Variants in ACSS3 observed in about 807,000 individuals in gnomAD.
ACSS3 encodes acyl-CoA synthetase short chain family member 3.
A neutral mutation model predicts 84.2 loss-of-function variants in ACSS3; 64 were observed. That is an observed-to-expected ratio of 0.76 (90% CI 0.62 to 0.94). The LOEUF (loss-of-function observed/expected upper bound fraction) is 0.94, where lower values mean the gene tolerates loss of function less well. Ranked by LOEUF, ACSS3 falls within the 40% of genes least tolerant of loss-of-function variation. The pLI, the probability that ACSS3 is intolerant of heterozygous loss-of-function variation, is 0.00. For synonymous variants in ACSS3, 317 were observed against 310.1 expected (o/e 1.02, Z -0.23); for missense variants, 815 against 867.6 (o/e 0.94, Z 0.76).
chr12:81,257,796 G>A lies in ACSS3; in HGVS notation c.*2874G>A, dbSNP rs1191203606. 1.3e-5 allele frequency: 2 copies of A among 152,042 alleles called. No individual in the cohort carries two copies. The highest frequency in any genetic ancestry group is 4.8e-5 in the African/African-American group (2 of 41,436). 9.4% of individuals were successfully genotyped at this position (152,042 alleles called of 1,614,324 possible). A position where few individuals can be genotyped will look rare whatever the true frequency, so the allele number is the denominator to read the frequency against. ...TCCATTAAATGGATTTTAGAATCTA[G>A]TAGAAGTTATCTTTCTTATAAATTA... is the stretch of plus-strand genomic sequence containing the variant. On this transcript the variant is annotated 3_prime_UTR_variant, in exon 16 of 16. Coordinates refer to ENST00000548058, the MANE Select transcript of ACSS3 (RefSeq NM_024560.4).
chr12:81,246,620 G>A (rs1000255703), intron 13 of ACSS3, among the ~76,000 whole-genome samples: 3 of 152,092 alleles, frequency 2.0e-5, no homozygotes, highest in Non-Finnish European at 4.4e-5. Flanking sequence ...GTTTTTCATT[G>A]TTATTGTGGA....
chr12:81,096,784 TG>T (rs765452224), intron 1 of ACSS3, among the ~76,000 whole-genome samples: 1 of 152,216 alleles, frequency 6.6e-6, no homozygotes, highest in Non-Finnish European at 1.5e-5. Context: ...TCCATGTCCC[TG>T]CAAAGGACAT....
Position 81,216,881 on chromosome 12 carries a change from A to G in ACSS3, c.1355-20A>G, listed in dbSNP as rs756467159. On this transcript the variant is annotated intron_variant, in intron 9 of 15. Transcript: ENST00000548058. ...TTCCAAGTTAAAACATGAAGTGATA[A>G]ATAACATTTCTTTTTCCAGAGACTG... 6.3e-7 allele frequency: 1 copy of G among 1,588,372 alleles called. No individual in the cohort carries two copies. Among genetic ancestry groups the G allele is most frequent in the South Asian group, 1.1e-5 (1 of 90,574 alleles).
In ACSS3 at chr12:81,254,967, T is replaced by TAA; in HGVS notation, c.*45_*46insAA. ...TTTTGAGTTGATTTAATTTCTTAAT[T>TAA]GAAATTAAATTATTTGAGTTGTTTC... On this transcript the variant is annotated 3_prime_UTR_variant, in exon 16 of 16. Coordinates refer to ENST00000548058, the MANE Select transcript of ACSS3 (RefSeq NM_024560.4). 5.0e-6 allele frequency: 7 copies of TAA among 1,388,198 alleles called. No homozygotes were observed. Among genetic ancestry groups the TAA allele is most frequent in the Non-Finnish European group, 6.9e-6 (7 of 1,013,656 alleles). The allele number at this position is 1,388,198 out of a possible 1,614,324, so 86.0% of individuals were successfully genotyped here.
chr12:81,089,972 A>G (rs1881568554), intron 1 of ACSS3, among the ~76,000 whole-genome samples: 1 of 152,024 alleles, frequency 6.6e-6, no homozygotes, highest in Non-Finnish European at 1.5e-5. Flanking sequence ...GCCTAATTTC[A>G]GTTATAAGTT....
chr12:81,243,471 G>T (rs1434345765), intron 13 of ACSS3, among the ~76,000 whole-genome samples: 1 of 152,124 alleles, frequency 6.6e-6, no homozygotes, highest in African/African-American at 2.4e-5. Context: ...TCCCCATCAA[G>T]CTACCAATGA....
At chr12:81,116,328 A>G (rs1884042659) in intron 2 of ACSS3, among the ~76,000 whole-genome samples, 1 of 152,076 alleles carries the variant, frequency 6.6e-6, no homozygotes, top group South Asian at 2.1e-4. Flanking sequence ...TAAATGATGA[A>G]ACAACAGTTT....
chr12:81,116,635 A>G (rs1017404635), intron 2 of ACSS3, among the ~76,000 whole-genome samples: 2 of 152,078 alleles, frequency 1.3e-5, no homozygotes, highest in African/African-American at 4.8e-5. Flanking sequence ...GGGTACCTAC[A>G]TGATCTTCCT....
intron 2 of ACSS3, among the ~76,000 whole-genome samples, chr12:81,113,996 T>A (rs187768399): frequency 6.6e-6 from 1 of 152,224 alleles, no homozygotes; most frequent in East Asian, 1.9e-4. Context: ...ATAGTACTAG[T>A]CATTTTAAAG....
Position 81,254,949 on chromosome 12 carries a change from T to C in ACSS3, c.*27T>C, listed in dbSNP as rs748945790. The C allele has an allele frequency of 1.1e-5, 17 of 1,502,412 alleles. No homozygotes were observed. Among genetic ancestry groups the C allele is most frequent in the African/African-American group, 1.4e-5 (1 of 70,600 alleles). 93.1% of individuals were successfully genotyped at this position (1,502,412 alleles called of 1,614,324 possible). A position where few individuals can be genotyped will look rare whatever the true frequency, so the allele number is the denominator to read the frequency against. On this transcript the variant is annotated 3_prime_UTR_variant, in exon 16 of 16. Coordinates refer to ENST00000548058, the MANE Select transcript of ACSS3 (RefSeq NM_024560.4). ...GAGTTTGTCTTATTCCTATTTTGAG[T>C]TGATTTAATTTCTTAATTGAAATTA...
intron 1 of ACSS3, among the ~76,000 whole-genome samples, chr12:81,085,355 G>A (rs1304762259): frequency 6.6e-6 from 1 of 152,192 alleles, no homozygotes; most frequent in East Asian, 1.9e-4. Context: ...CTGACAGGGA[G>A]GATAAGGAAG....
Position 81,220,040 on chromosome 12 carries a change from A to G in ACSS3, c.1478A>G (p.Lys493Arg). The G allele has an allele frequency of 6.5e-7, 1 of 1,543,096 alleles. No individual in the cohort carries two copies. The highest frequency in any genetic ancestry group is 8.7e-7 in the Non-Finnish European group (1 of 1,144,552). The part of the protein sequence containing the change: ...NVMILDDNMQ[K>R]LKARCLGNIV... ...ATGATTTTGGATGACAACATGCAAA[A>G]ACTGAAGGCTCGGTGTTTAGGAAAT... Residue 493 changes from lysine to arginine, a missense_variant, in exon 11 of 16, where the codon AAA (lysine) becomes AGA (arginine). Coordinates refer to ENST00000548058, the MANE Select transcript of ACSS3 (RefSeq NM_024560.4).
intron 8 of ACSS3, among the ~76,000 whole-genome samples, chr12:81,193,394 A>C (rs1431852537): frequency 6.6e-6 from 1 of 151,930 alleles, no homozygotes; most frequent in African/African-American, 2.4e-5. Context: ...ATTTGTCTTT[A>C]GCTTTTTATT....
At chr12:81,114,198 G>A (rs2074820873) in intron 2 of ACSS3, among the ~76,000 whole-genome samples, 1 of 151,994 alleles carries the variant, frequency 6.6e-6, no homozygotes, top group Admixed American at 6.6e-5. Context: ...AACCAATTAT[G>A]TGTTAAATTT....
intron 9 of ACSS3, among the ~76,000 whole-genome samples, chr12:81,211,426 A>C (rs918868182): frequency 6.6e-6 from 1 of 152,170 alleles, no homozygotes; most frequent in Non-Finnish European, 1.5e-5. Context: ...TCTTTTAGAA[A>C]TGTATCAATT....
Position 81,254,970 on chromosome 12 carries a change from A to G in ACSS3, c.*48A>G. On this transcript the variant is annotated 3_prime_UTR_variant, in exon 16 of 16. Coordinates refer to ENST00000548058, the MANE Select transcript of ACSS3 (RefSeq NM_024560.4). ...TGAGTTGATTTAATTTCTTAATTGA[A>G]ATTAAATTATTTGAGTTGTTTCTCA... The G allele has an allele frequency of 7.1e-7, 1 of 1,412,626 alleles. No homozygotes were observed. The highest frequency in any genetic ancestry group is 9.7e-7 in the Non-Finnish European group (1 of 1,035,084). The allele number at this position is 1,412,626 out of a possible 1,614,324, so 87.5% of individuals were successfully genotyped here. A position where few individuals can be genotyped will look rare whatever the true frequency, so the allele number is the denominator to read the frequency against.
Position 81,253,528 on chromosome 12 carries a change from A to G in ACSS3, c.1853A>G (p.Glu618Gly), listed in dbSNP as rs370167638. ...INATEEQVLE[E>G]IVKHVRQNIG... Reference sequence around the variant, plus strand: ...GCAACAGAGGAGCAAGTTTTGGAAGAAATTGTGAAACACGTTAGACAGAAC... The same window carrying G: ...GCAACAGAGGAGCAAGTTTTGGAAGGAATTGTGAAACACGTTAGACAGAAC... The change falls in exon 15 of 16, where the codon GAA (glutamate) becomes GGA (glycine). Residue 618 changes from glutamate to glycine, a missense_variant. Transcript: ENST00000548058. The G allele has an allele frequency of 1.1e-5, 17 of 1,613,930 alleles. No individual in the cohort carries two copies. In the African/African-American group the frequency reaches 2.3e-4, roughly 22 times the overall value.
chr12:81,217,141 T>C (rs1219136879), intron 10 of ACSS3, 145 bp downstream of exon 10: 10 of 570,022 alleles, frequency 1.8e-5, no homozygotes, highest in Non-Finnish European at 2.5e-5. Flanking sequence ...AATGCCTTAA[T>C]TTTTGCTATC....
chr12:81,185,440 A>G (rs2031199388), intron 8 of ACSS3, among the ~76,000 whole-genome samples: 1 of 151,758 alleles, frequency 6.6e-6, no homozygotes, highest in Non-Finnish European at 1.5e-5. Context: ...ATATGCAAAA[A>G]CCTCCAAAGA....
Sources: gnomAD v4.1 joint callset for allele counts (sites outside exome capture counted in the v4.1 genomes callset) on GRCh38, gnomAD v4.1.1 for gene constraint, MANE v1.5 for transcripts, NCBI Gene and HGNC (gene_info 2026-07-23, HGNC 2026-07-21) for gene names.